Variants in COL18A1 observed in about 807,000 individuals in gnomAD.
COL18A1 encodes the protein collagen type XVIII alpha 1 chain, also known as collagen alpha-1(XVIII) chain.
Under a neutral mutation model 168.0 loss-of-function variants are expected in COL18A1, and 133 were observed. The observed-to-expected ratio is 0.79, with a 90% CI of 0.69 to 0.91. The LOEUF is 0.91. Ranked by LOEUF, COL18A1 falls within the 40% of genes least tolerant of loss-of-function variation. The pLI is 0.00. For synonymous variants in COL18A1, 949 were observed against 809.0 expected, an observed-to-expected ratio of 1.17 and a Z score of -2.94; for missense variants, 2,126 against 1,925.4, an observed-to-expected ratio of 1.10 and a Z score of -1.95.
rs566620812 is a variant in COL18A1, at chr21:45,428,853, G to A, written c.106+23380G>A. Among the ~76,000 whole-genome samples, 7 of 151,892 alleles carry A rather than the reference G, an allele frequency of 4.6e-5. No homozygotes were observed. In the South Asian group the frequency reaches 1.5e-3, roughly 32 times the overall value. On this transcript the variant is annotated intron_variant, in intron 2 of 41. Transcript: ENST00000651438. The stretch of plus-strand genomic sequence containing the variant: ...CTCTACGTTTTAAAGCATGTTTTAT[G>A]TGCCTGAAATGTCTCTGCACTCGAG...
intron 32 of COL18A1, 128 bp downstream of exon 32, chr21:45,497,789 G>T (rs559317802): frequency 1.2e-5 from 16 of 1,318,510 alleles, no homozygotes; most frequent in Middle Eastern, 1.8e-4. Flanking sequence ...CTCACCCTGC[G>T]GGAGGAAGGA....
intron 4 of COL18A1, among the ~76,000 whole-genome samples, chr21:45,474,523 G>C (rs533533768): frequency 2.0e-5 from 3 of 151,918 alleles, no homozygotes; most frequent in Non-Finnish European, 4.4e-5. Flanking sequence ...CTTGTGTGTT[G>C]TGTCTGCATG....
chr21:45,507,995 A>AGGTG (rs527928471), intron 38 of COL18A1, among the ~76,000 whole-genome samples: 109 of 152,138 alleles, frequency 7.2e-4, no homozygotes, highest in African/African-American at 2.4e-3. Context: ...ATCAATGGGG[A>AGGTG]GGTGGATGGA....
chr21:45,436,521 AGTC>A (rs2034101392), intron 2 of COL18A1, among the ~76,000 whole-genome samples: 1 of 152,148 alleles, frequency 6.6e-6, no homozygotes, highest in African/African-American at 2.4e-5. Context: ...TCGGCAAAAA[AGTC>A]GTCTTTGTGG....
chr21:45,482,276 G>GAGATCTT, intron 14 of COL18A1: 1 of 648,690 alleles, frequency 1.5e-6, no homozygotes, highest in Middle Eastern at 2.5e-4. Context: ...TGCGAGATCT[G>GAGATCTT]AGATCTTACT....
chr21:45,469,449 G>A (rs567275246), intron 3 of COL18A1, among the ~76,000 whole-genome samples: 13 of 152,346 alleles, frequency 8.5e-5, no homozygotes, highest in East Asian at 1.9e-4. Context: ...AGCAACCCAC[G>A]CCTGTGAGAC....
chr21:45,491,401 C>T, intron 22 of COL18A1, 87 bp downstream of exon 22: 1 of 722,594 alleles, frequency 1.4e-6, no homozygotes, highest in Admixed American at 2.0e-5. Flanking sequence ...CCCACACCCC[C>T]ACATCCCCCA....
rs540506892 is a variant in COL18A1, at chr21:45,432,469, C to T, written c.106+26996C>T. 4.6e-5 allele frequency among the ~76,000 whole-genome samples: 7 copies of T among 152,356 alleles called. No individual in the cohort carries two copies. In the East Asian group the frequency reaches 1.4e-3, roughly 29 times the overall value. The stretch of plus-strand genomic sequence containing the variant: ...GAGTGGGATGGACTGGGGTGCTCAG[C>T]TGGAGGCTCTGCAGACACAGCCCCC... On this transcript the variant is annotated intron_variant, in intron 2 of 41. Coordinates refer to ENST00000651438, the MANE Select transcript of COL18A1 (RefSeq NM_001379500.1).
intron 2 of COL18A1, among the ~76,000 whole-genome samples, chr21:45,459,036 C>T (rs58750109): frequency 0.14 from 21,741 of 152,104 alleles, 1,929 homozygotes; most frequent in African/African-American, 0.24. Context: ...GTAGCGTCCC[C>T]GTGCGAGGGA....
chr21:45,422,596 G>T, intron 2 of COL18A1: 1 of 438,968 alleles, frequency 2.3e-6, no homozygotes, highest in Non-Finnish European at 4.8e-6. Context: ...GGGTCTCAGG[G>T]CACAGTGGGT....
At chr21:45,464,235 C>T (rs996580505) in intron 2 of COL18A1, among the ~76,000 whole-genome samples, 2 of 151,972 alleles carry the variant, frequency 1.3e-5, no homozygotes, top group Non-Finnish European at 2.9e-5. Flanking sequence ...CAAAGCCTCC[C>T]GTTTTCATCT....
rs2035715679 is a variant in COL18A1, at chr21:45,477,394, T to G, written c.929-17T>G. 1 of 1,608,784 alleles carries G rather than the reference T, an allele frequency of 6.2e-7. No individual in the cohort carries two copies. The highest frequency in any genetic ancestry group is 8.5e-7 in the Non-Finnish European group (1 of 1,177,864). ...CCCGGGGGGCGTGACCGTGGCCACC[T>G]CTGCTTCTCTTCCCAGCTCAGACAC... On this transcript the variant is annotated splice_polypyrimidine_tract_variant and intron_variant, in intron 6 of 41. Coordinates refer to ENST00000651438, the MANE Select transcript of COL18A1 (RefSeq NM_001379500.1).
intron 2 of COL18A1, chr21:45,455,503 C>A (rs75503020): frequency 6.2e-7 from 1 of 1,609,994 alleles, no homozygotes; most frequent in African/African-American, 1.3e-5. Flanking sequence ...GCCCTCCCGC[C>A]GCCCGCAGCT....
At chr21:45,500,704 T>G (rs1250356418) in intron 32 of COL18A1, among the ~76,000 whole-genome samples, 1 of 25,946 alleles carries the variant, frequency 3.9e-5, no homozygotes, top group African/African-American at 1.3e-4. Flanking sequence ...GTGTGTGTGT[T>G]GGGTGTGTAG....
At chr21:45,505,609 G>A (rs928323425) in intron 36 of COL18A1, among the ~76,000 whole-genome samples, 178 bp downstream of exon 36, 4 of 152,164 alleles carry the variant, frequency 2.6e-5, no homozygotes, top group African/African-American at 7.2e-5. Flanking sequence ...GACCCAGGAG[G>A]ACGACCACCA....
intron 2 of COL18A1, chr21:45,408,201 C>G (rs2033175773): frequency 6.6e-6 from 1 of 152,286 alleles, no homozygotes. Flanking sequence ...GGGGCCAGTC[C>G]AGGAGAGCCC....
chr21:45,479,349 A>C (rs2035802947), intron 9 of COL18A1, among the ~76,000 whole-genome samples: 1 of 143,560 alleles, frequency 7.0e-6, no homozygotes, highest in South Asian at 2.1e-4. Context: ...TACACACACT[A>C]CACACACGTG....
At chr21:45,427,690 G>A (rs1286558199) in intron 2 of COL18A1, among the ~76,000 whole-genome samples, 1 of 152,204 alleles carries the variant, frequency 6.6e-6, no homozygotes, top group East Asian at 1.9e-4. Flanking sequence ...TGCCGTGAGG[G>A]GTGGCCAGTG....
intron 2 of COL18A1, among the ~76,000 whole-genome samples, chr21:45,442,213 G>C (rs1022501746): frequency 6.6e-6 from 1 of 152,208 alleles, no homozygotes; most frequent in Non-Finnish European, 1.5e-5. Context: ...GATACCACCG[G>C]TGCACAGGGT....
Sources: gnomAD v4.1 joint callset for allele counts (sites outside exome capture counted in the v4.1 genomes callset) on GRCh38, gnomAD v4.1.1 for gene constraint, MANE v1.5 for transcripts, NCBI Gene and HGNC (gene_info 2026-07-23, HGNC 2026-07-21) for gene names.